The following LBX2 variants were observed in gnomAD, a reference collection of about 807,000 sequenced individuals.
LBX2 encodes the protein ladybird homeobox 2.
A neutral mutation model predicts 7.5 loss-of-function variants in LBX2; 6 were observed. That is an observed-to-expected ratio of 0.80 (90% CI 0.44 to 1.59). The LOEUF (loss-of-function observed/expected upper bound fraction) is 1.59, where lower values mean the gene tolerates loss of function less well. Among genes scored for constraint, LBX2 ranks in the 40% most tolerant of loss-of-function variants. The pLI is 0.01. For synonymous variants in LBX2, 143 were observed against 133.2 expected, an observed-to-expected ratio of 1.07 and a Z score of -0.51; for missense variants, 281 against 282.0, an observed-to-expected ratio of 1.00 and a Z score of 0.03.
rs929319430 is a variant in LBX2 at position 74,497,630 on chromosome 2, C to G, written c.*297G>C. 5.8e-6 allele frequency: 2 copies of G among 344,010 alleles called. No homozygotes were observed. Among genetic ancestry groups the G allele is most frequent in the Non-Finnish European group, 1.0e-5 (2 of 191,064 alleles). 21.3% of individuals were successfully genotyped at this position (344,010 alleles called of 1,614,324 possible). On this transcript the variant is annotated 3_prime_UTR_variant, in exon 2 of 2. Coordinates refer to ENST00000377566, the MANE Select transcript of LBX2 (RefSeq NM_001282430.2). ...TAAATTAGCCTGGGGTGGTGCTGCA[C>G]GCCTGTAATGCCAGCTAGTCGGGAG...
upstream of LBX2, chr2:74,502,736 A>T: frequency 6.2e-7 from 1 of 1,613,826 alleles, no homozygotes; most frequent in Admixed American, 1.7e-5. The surrounding 1 kb of genome is among the most constrained non-coding windows in gnomAD (Gnocchi z 5.4). Flanking sequence ...CTGCGCGCCC[A>T]CCGCCACCCT....
Position 74,497,539 on chromosome 2 carries a change from T to C in LBX2, c.*388A>G. The C allele has an allele frequency of 5.7e-6, 1 of 174,546 alleles. No homozygotes were observed. The highest frequency in any genetic ancestry group is 5.8e-5 in the Admixed American group (1 of 17,272). 10.8% of individuals were successfully genotyped at this position (174,546 alleles called of 1,614,324 possible). A position where few individuals can be genotyped will look rare whatever the true frequency, so the allele number is the denominator to read the frequency against. On this transcript the variant is annotated 3_prime_UTR_variant, in exon 2 of 2. Coordinates refer to ENST00000377566, the MANE Select transcript of LBX2 (RefSeq NM_001282430.2). ...TGGTGCGGCAGAGTCTCGACTTTATTCTCAAATATTGGGAAAGTAGCCTGG... is the reference window on the plus strand; with the variant it reads ...TGGTGCGGCAGAGTCTCGACTTTATCCTCAAATATTGGGAAAGTAGCCTGG...
intron 1 of LBX2, chr2:74,498,899 T>C (rs1674423184): frequency 4.6e-6 from 1 of 219,480 alleles, no homozygotes; most frequent in Non-Finnish European, 9.1e-6. Context: ...TTCTGCTCCT[T>C]GACTCCCCTC....
In LBX2 at chr2:74,497,968, G is replaced by C. The variant is rs530651750; in HGVS notation, c.556C>G (p.Arg186Gly). Residue 186 changes from arginine (R) to glycine (G), a missense_variant, in exon 2 of 2, where the codon CGG becomes GGG. Coordinates refer to ENST00000377566, the MANE Select transcript of LBX2 (RefSeq NM_001282430.2). ...ATCTCCTCGTCTGACAGGTGGGGCC[G>C]GGAGTCAGGGCCGGCAGGGCCGAGG... is the stretch of plus-strand genomic sequence containing the variant. Reference protein sequence around the residue: ...LCLGPAGPDSRPHLSDEEIQV... With the variant: ...LCLGPAGPDSGPHLSDEEIQV... 1.9e-6 allele frequency: 3 copies of C among 1,601,326 alleles called. No individual in the cohort carries two copies. The African/African-American group carries it at 4.0e-5, about 21-fold the overall frequency.
upstream of LBX2, chr2:74,499,704 G>C: frequency 3.0e-6 from 2 of 674,838 alleles, no homozygotes; most frequent in Non-Finnish European, 2.5e-6. The surrounding 1 kb of genome is among the most constrained non-coding windows in gnomAD (Gnocchi z 4.6). Context: ...TCCACCCCGG[G>C]CCGCGGTGGA....
chr2:74,497,844 C>T lies in LBX2; in HGVS notation c.*83G>A. ...AGAGGCCCAAGTGGACCTCCTTCCT[C>T]CACCCTGGAACTCTGGCCAGAGGCA... is the stretch of plus-strand genomic sequence containing the variant. On this transcript the variant is annotated 3_prime_UTR_variant, in exon 2 of 2. Coordinates refer to ENST00000377566, the MANE Select transcript of LBX2 (RefSeq NM_001282430.2). 1 of 1,413,260 alleles carries T rather than the reference C, an allele frequency of 7.1e-7. No individual in the cohort carries two copies. The highest frequency in any genetic ancestry group is 9.4e-7 in the Non-Finnish European group (1 of 1,067,564). The allele number at this position is 1,413,260 out of a possible 1,614,324, so 87.5% of individuals were successfully genotyped here.
chr2:74,500,954 A>G (rs1422184755), upstream of LBX2, among the ~76,000 whole-genome samples: 3 of 152,102 alleles, frequency 2.0e-5, no homozygotes, highest in Non-Finnish European at 4.4e-5. Flanking sequence ...ATCTCCCACC[A>G]TCTGTGCAGT....
At position 74,499,110 on chromosome 2, in the gene LBX2, C is replaced by T; in HGVS notation, c.205+223G>A. 1 of 597,010 alleles carries T rather than the reference C, an allele frequency of 1.7e-6. No homozygotes were observed. The highest frequency in any genetic ancestry group is 2.8e-5 in the East Asian group (1 of 36,086). The allele number at this position is 597,010 out of a possible 1,614,324, so 37.0% of individuals were successfully genotyped here. A position where few individuals can be genotyped will look rare whatever the true frequency, so the allele number is the denominator to read the frequency against. ...GGTCGCTCAGTTGGCGACGGTCTGCCCTTTTCCCTTGGCACTGGCGGCCTT... is the reference window on the plus strand; with the variant it reads ...GGTCGCTCAGTTGGCGACGGTCTGCTCTTTTCCCTTGGCACTGGCGGCCTT... On this transcript the variant is annotated intron_variant, in intron 1 of 1. Transcript: ENST00000377566. This position sits in a 1 kb window ranked among gnomAD's most constrained non-coding sequence, Gnocchi z 4.6.
At chr2:74,502,842 G>A (rs768766969), upstream of LBX2, 1 of 1,605,294 alleles carries the variant, frequency 6.2e-7, no homozygotes, top group South Asian at 1.1e-5. The surrounding 1 kb of genome is among the most constrained non-coding windows in gnomAD (Gnocchi z 5.4). Context: ...TCACTTCTAG[G>A]GAAGTCCTTT....
At position 74,499,561 on chromosome 2, in the gene LBX2, G is replaced by A. The variant is rs894571027; in HGVS notation, c.-24C>T. 3.2e-6 allele frequency: 5 copies of A among 1,540,132 alleles called. No homozygotes were observed. The highest frequency in any genetic ancestry group is 1.4e-5 in the African/African-American group (1 of 72,802). On this transcript the variant is annotated 5_prime_UTR_variant, in exon 1 of 2. Coordinates refer to ENST00000377566, the MANE Select transcript of LBX2 (RefSeq NM_001282430.2). The surrounding 1 kb of genome is among the most constrained non-coding windows in gnomAD (Gnocchi z 4.6). The stretch of plus-strand genomic sequence containing the variant: ...ATGGTCGGCCGGGCTGGGGCGGTCC[G>A]GCTGTCCGTTGCGCTAGGCTCCGCA...
rs113126054 is a variant in LBX2 at position 74,499,560 on chromosome 2, C to G, written c.-23G>C. On this transcript the variant is annotated 5_prime_UTR_variant, in exon 1 of 2. Transcript: ENST00000377566. The surrounding 1 kb of genome is among the most constrained non-coding windows in gnomAD (Gnocchi z 4.6). ...CATGGTCGGCCGGGCTGGGGCGGTC[C>G]GGCTGTCCGTTGCGCTAGGCTCCGC... 4 of 1,540,190 alleles carry G rather than the reference C, an allele frequency of 2.6e-6. No homozygotes were observed. Among genetic ancestry groups the G allele is most frequent in the Non-Finnish European group, 1.8e-6 (2 of 1,140,250 alleles).
upstream of LBX2, chr2:74,502,396 T>G: frequency 2.1e-6 from 1 of 482,386 alleles, no homozygotes; most frequent in Non-Finnish European, 3.7e-6. The surrounding 1 kb of genome is among the most constrained non-coding windows in gnomAD (Gnocchi z 5.4). Context: ...CTGAATTCTG[T>G]GAATGTGTAG....
upstream of LBX2, chr2:74,503,085 TG>T (rs1674532582): frequency 4.0e-6 from 2 of 495,058 alleles, no homozygotes; most frequent in African/African-American, 4.0e-5. The surrounding 1 kb of genome is among the most constrained non-coding windows in gnomAD (Gnocchi z 5.1). Flanking sequence ...CGCCCTGGGG[TG>T]GTCCTGCCGC....
In LBX2 at chr2:74,499,408, G is replaced by C. The variant is rs1449291216; in HGVS notation, c.130C>G (p.Pro44Ala). 1 of 1,550,524 alleles carries C rather than the reference G, an allele frequency of 6.4e-7. No individual in the cohort carries two copies. Among genetic ancestry groups the C allele is most frequent in the Non-Finnish European group, 8.7e-7 (1 of 1,147,014 alleles). ...GTCAGCTCCTCCAGCGCGCACAGCG[G>C]CGACGTTGGACCCGGACCCGACTCT... ...LPESGPGPTS[P>A]LCALEELTSK... The change falls in exon 1 of 2, where the codon CCG becomes GCG. Residue 44 changes from proline to alanine, a missense_variant. Coordinates refer to ENST00000377566, the MANE Select transcript of LBX2 (RefSeq NM_001282430.2). The surrounding 1 kb of genome is among the most constrained non-coding windows in gnomAD (Gnocchi z 4.6).
At position 74,499,542 on chromosome 2, in the gene LBX2, G is replaced by C; in HGVS notation, c.-5C>G. On this transcript the variant is annotated 5_prime_UTR_variant, in exon 1 of 2. Coordinates refer to ENST00000377566, the MANE Select transcript of LBX2 (RefSeq NM_001282430.2). The surrounding 1 kb of genome is among the most constrained non-coding windows in gnomAD (Gnocchi z 4.6). ...GGGCTCGCGTCCCGAGTTCATGGTC[G>C]GCCGGGCTGGGGCGGTCCGGCTGTC... The C allele has an allele frequency of 6.5e-7, 1 of 1,546,692 alleles. No homozygotes were observed. The highest frequency in any genetic ancestry group is 8.7e-7 in the Non-Finnish European group (1 of 1,144,984).
At chr2:74,500,475 C>T (rs1231631069), upstream of LBX2, among the ~76,000 whole-genome samples, 1 of 152,160 alleles carries the variant, frequency 6.6e-6, no homozygotes, top group African/African-American at 2.4e-5. Context: ...GGTGCCCTGA[C>T]CAGAGAGGGG....
chr2:74,499,316 C>CT lies in LBX2; in HGVS notation c.205+16_205+17insA. 1 of 1,548,058 alleles carries CT rather than the reference C, an allele frequency of 6.5e-7. No homozygotes were observed. Among genetic ancestry groups the CT allele is most frequent in the Non-Finnish European group, 8.7e-7 (1 of 1,144,710 alleles). On this transcript the variant is annotated intron_variant, in intron 1 of 1. Transcript: ENST00000377566. The surrounding 1 kb of genome is among the most constrained non-coding windows in gnomAD (Gnocchi z 4.6). Reference sequence around the variant, plus strand: ...GAAAAGGCTAAGTCAGAGTCCGCGACCTTGCCGGCTCTATACCTTCAGAGG... The same window carrying CT: ...GAAAAGGCTAAGTCAGAGTCCGCGACTCTTGCCGGCTCTATACCTTCAGAGG...
rs1234254716 is a variant in LBX2, at chr2:74,498,261, G to C, written c.263C>G (p.Ser88Ter). ...CTGTTGCGCGGTGAACGCAGTGCGTGACTTGCGCCGTTTGCGGCCGAAGGG... is the reference window on the plus strand; with the variant it reads ...CTGTTGCGCGGTGAACGCAGTGCGTCACTTGCGCCGTTTGCGGCCGAAGGG... ...PGPFGRKRRK[S>*]RTAFTAQQVL... is the part of the protein sequence containing the mutation. Residue 88 changes from serine (S) to a stop codon, truncating the protein, a stop_gained, in exon 2 of 2, where the codon TCA becomes TGA. Transcript: ENST00000377566. LOFTEE classifies it low-confidence loss of function (END_TRUNC). 1 of 1,593,542 alleles carries C rather than the reference G, an allele frequency of 6.3e-7. No homozygotes were observed. The highest frequency in any genetic ancestry group is 1.7e-5 in the Admixed American group (1 of 59,424).
rs1165944061 is a variant in LBX2 at position 74,499,348 on chromosome 2, G to A, written c.190C>T (p.Leu64=). ...GGCTCTATACCTTCAGAGGGCTGCA[G>A]AGCGCGCGCGTCAAGTCCGCGGAAA... ...KTFRGLDARA[L]QPSEGRAGPD... is the part of the protein sequence containing the mutation. Residue 64 remains leucine, a synonymous_variant, in exon 1 of 2, where the codon CTG becomes TTG. Coordinates refer to ENST00000377566, the MANE Select transcript of LBX2 (RefSeq NM_001282430.2). The surrounding 1 kb of genome is among the most constrained non-coding windows in gnomAD (Gnocchi z 4.6). 1.9e-6 allele frequency: 3 copies of A among 1,550,608 alleles called. No homozygotes were observed. The highest frequency in any genetic ancestry group is 2.6e-6 in the Non-Finnish European group (3 of 1,146,980).
Sources: allele counts gnomAD v4.1 joint callset (sites outside exome capture counted in the v4.1 genomes callset), GRCh38; gene constraint gnomAD v4.1.1; non-coding constraint Gnocchi (gnomAD v3.1); transcripts MANE v1.5; gene names NCBI Gene and HGNC (gene_info 2026-07-23, HGNC 2026-07-21).